SYT1: variants seen among roughly 807,000 people sequenced by gnomAD.
SYT1 encodes synaptotagmin-1.
A neutral mutation model predicts 44.8 loss-of-function variants in SYT1; 8 were observed. The ratio of observed to expected loss-of-function variants is 0.18; its 90% confidence interval spans 0.10 to 0.32. The LOEUF (loss-of-function observed/expected upper bound fraction) is 0.32. Ranked by LOEUF, SYT1 falls within the 10% of genes least tolerant of loss-of-function variation. SYT1 has a pLI of 1.00. For missense variants in SYT1, 286 were observed against 509.3 expected (o/e 0.56, Z 4.22); for synonymous variants, 154 against 188.8 (o/e 0.82, Z 1.51).
intron 9 of SYT1, among the ~76,000 whole-genome samples, chr12:79,429,742 G>A (rs1869669751): frequency 6.6e-6 from 1 of 152,148 alleles, no homozygotes; most frequent in South Asian, 2.1e-4. Flanking sequence ...TGTTAGCCAG[G>A]ATGGTCTTCA....
rs192412421 is a variant in SYT1, at chr12:79,086,332, A to C, written c.-18+38970A>C. Among the ~76,000 whole-genome samples the C allele has an allele frequency of 4.7e-4, 71 of 152,216 alleles. No homozygotes were observed. In the Middle Eastern group the frequency reaches 0.017, roughly 36 times the overall value. ...CCGTCATTTTTCCTACTTTCCTGTC[A>C]AGATATCTACTCTCTATCAGGCACT... On this transcript the variant is annotated intron_variant, in intron 3 of 10. Transcript: ENST00000261205.
At chr12:79,215,965 C>G (rs1264152171) in intron 3 of SYT1, among the ~76,000 whole-genome samples, 1 of 94,986 alleles carries the variant, frequency 1.1e-5, no homozygotes, top group Non-Finnish European at 1.9e-5. Context: ...GAGTTTCGCT[C>G]TTGTAGCCCA....
intron 3 of SYT1, among the ~76,000 whole-genome samples, chr12:79,077,815 A>G (rs17273714): frequency 0.015 from 2,242 of 152,274 alleles, 27 homozygotes; most frequent in Middle Eastern, 0.075. Context: ...ATTCAGTATT[A>G]TCATGTCTAT....
intron 1 of SYT1, among the ~76,000 whole-genome samples, chr12:78,957,786 T>A (rs527958756): frequency 6.6e-6 from 1 of 152,116 alleles, no homozygotes; most frequent in Non-Finnish European, 1.5e-5. Context: ...TGTAAGGTGT[T>A]TTCAAATAAT....
At chr12:79,422,978 C>T (rs957407970) in intron 9 of SYT1, among the ~76,000 whole-genome samples, 1 of 152,114 alleles carries the variant, frequency 6.6e-6, no homozygotes, top group African/African-American at 2.4e-5. Context: ...AGCCAATCCA[C>T]TACCCTTCAG....
At chr12:79,099,759 T>A (rs1188812177) in intron 3 of SYT1, among the ~76,000 whole-genome samples, 1 of 152,168 alleles carries the variant, frequency 6.6e-6, no homozygotes, top group Non-Finnish European at 1.5e-5. Flanking sequence ...AAAAATAGCA[T>A]AGACACTAAT....
intron 8 of SYT1, among the ~76,000 whole-genome samples, chr12:79,318,520 T>G (rs1268146538): frequency 6.6e-6 from 1 of 152,242 alleles, no homozygotes; most frequent in Non-Finnish European, 1.5e-5. Flanking sequence ...GAAACATTTA[T>G]GAGTGAAGCG....
At chr12:79,443,056 TA>T (rs1486768031) in intron 9 of SYT1, among the ~76,000 whole-genome samples, 2 of 152,200 alleles carry the variant, frequency 1.3e-5, no homozygotes, top group African/African-American at 2.4e-5. Flanking sequence ...ATTCATCCAT[TA>T]GTAATGGGAG....
intron 2 of SYT1, among the ~76,000 whole-genome samples, chr12:79,005,170 G>A (rs1451110870): frequency 6.6e-6 from 1 of 151,940 alleles, no homozygotes; most frequent in East Asian, 1.9e-4. Context: ...TATTTCAAGG[G>A]TGCATCCAAC....
At chr12:79,090,371 T>C (rs1877689405) in intron 3 of SYT1, among the ~76,000 whole-genome samples, 1 of 151,944 alleles carries the variant, frequency 6.6e-6, no homozygotes, top group African/African-American at 2.4e-5. Flanking sequence ...ATCACTCCAA[T>C]ATATCTGCCT....
chr12:79,390,528 T>TA (rs78600051), intron 9 of SYT1, among the ~76,000 whole-genome samples: 3,454 of 152,248 alleles, frequency 0.023, 147 homozygotes, highest in East Asian at 0.16. Flanking sequence ...GCTTTTTTTT[T>TA]ATTTTCAATT....
intron 3 of SYT1, among the ~76,000 whole-genome samples, chr12:79,114,349 A>G (rs1238364474): frequency 6.6e-6 from 1 of 152,154 alleles, no homozygotes; most frequent in Non-Finnish European, 1.5e-5. Flanking sequence ...TAGAAACACT[A>G]AGCAAACCCT....
intron 8 of SYT1, among the ~76,000 whole-genome samples, chr12:79,309,602 A>T (rs1880664237): frequency 6.6e-6 from 1 of 152,206 alleles, no homozygotes; most frequent in South Asian, 2.1e-4. Context: ...GGAATAAGTT[A>T]TGTGATAATG....
intron 1 of SYT1, among the ~76,000 whole-genome samples, chr12:78,882,030 C>T (rs1178142259): frequency 2.6e-5 from 4 of 151,644 alleles, no homozygotes; most frequent in African/African-American, 4.8e-5. Context: ...ATTTATTATA[C>T]TATTCATTAA....
chr12:79,042,948 C>A (rs1189887816), intron 2 of SYT1, among the ~76,000 whole-genome samples: 2 of 150,190 alleles, frequency 1.3e-5, no homozygotes, highest in African/African-American at 2.5e-5. Context: ...GAATGAGATT[C>A]TTAATCCTGA....
chr12:78,905,216 G>C (rs1370162922), intron 1 of SYT1, among the ~76,000 whole-genome samples: 1 of 152,152 alleles, frequency 6.6e-6, no homozygotes, highest in Non-Finnish European at 1.5e-5. Flanking sequence ...ATTTTAAAGA[G>C]ATTAATTATC....
chr12:79,198,198 A>G (rs1443974963), intron 3 of SYT1, among the ~76,000 whole-genome samples: 3 of 152,126 alleles, frequency 2.0e-5, no homozygotes, highest in Admixed American at 1.3e-4. Context: ...TAGTACTTAC[A>G]TTGTCTTTCG....
rs1244749011 is a variant in SYT1, at chr12:78,915,455, G to A, written c.-217+50346G>A. Among the ~76,000 whole-genome samples, 4 of 151,544 alleles carry A rather than the reference G, an allele frequency of 2.6e-5. No individual in the cohort carries two copies. In the East Asian group the frequency reaches 7.8e-4, roughly 30 times the overall value. ...GGAGGGTGAGAAGACAAGACAATGG[G>A]GTCAAAAAAGAAAAAAAATGTAGAA... On this transcript the variant is annotated intron_variant, in intron 1 of 10. Transcript: ENST00000261205.
chr12:78,877,645 C>T (rs1215201233), intron 1 of SYT1, among the ~76,000 whole-genome samples: 2 of 149,860 alleles, frequency 1.3e-5, no homozygotes, highest in African/African-American at 4.9e-5. Context: ...GTTTATATTA[C>T]AATCTAACAA....
Sources: allele counts gnomAD v4.1 joint callset (sites outside exome capture counted in the v4.1 genomes callset), GRCh38; gene constraint gnomAD v4.1.1; transcripts MANE v1.5; gene names NCBI Gene and HGNC (gene_info 2026-07-23, HGNC 2026-07-21).